ITGB3BP: variants seen among roughly 807,000 people sequenced by gnomAD.
ITGB3BP encodes the protein centromere protein R.
In ITGB3BP, 27 loss-of-function variants were observed where a neutral mutation model predicts 29.1. That is an observed-to-expected ratio of 0.93 (90% CI 0.68 to 1.28). The LOEUF (loss-of-function observed/expected upper bound fraction) is 1.28. ITGB3BP is among the 50% of genes most tolerant of loss of function. ITGB3BP has a pLI of 0.00. For missense variants in ITGB3BP, 192 were observed against 200.2 expected (o/e 0.96, Z 0.25); for synonymous variants, 61 against 61.4 (o/e 0.99, Z 0.03).
chr1:63,478,155 G>A (rs999651606), intron 4 of ITGB3BP, among the ~76,000 whole-genome samples: 3 of 152,178 alleles, frequency 2.0e-5, no homozygotes, highest in African/African-American at 7.2e-5. Context: ...TATATGTTCA[G>A]GACAGAGGCA....
intron 8 of ITGB3BP, among the ~76,000 whole-genome samples, chr1:63,441,339 G>A (rs1231257075): frequency 2.0e-5 from 3 of 152,140 alleles, no homozygotes; most frequent in African/African-American, 7.2e-5. Context: ...CCGTGTTCAA[G>A]TGATTCTCCT....
intron 1 of ITGB3BP, among the ~76,000 whole-genome samples, chr1:63,510,905 A>T (rs1646186368): frequency 6.6e-6 from 1 of 152,190 alleles, no homozygotes. Context: ...CTTTACTGTT[A>T]GTAGGAATAG....
chr1:63,490,733 G>A (rs1276627018), intron 2 of ITGB3BP, among the ~76,000 whole-genome samples: 1 of 152,124 alleles, frequency 6.6e-6, no homozygotes. Flanking sequence ...AGGCCTTTGA[G>A]GATTTGGCCT....
chr1:63,478,156 G>A (rs1645373128), intron 4 of ITGB3BP, among the ~76,000 whole-genome samples: 1 of 152,180 alleles, frequency 6.6e-6, no homozygotes, highest in African/African-American at 2.4e-5. Flanking sequence ...ATATGTTCAG[G>A]ACAGAGGCAA....
chr1:63,468,905 G>A (rs1176955319), intron 4 of ITGB3BP, among the ~76,000 whole-genome samples: 1 of 116,892 alleles, frequency 8.6e-6, no homozygotes, highest in Non-Finnish European at 1.9e-5. Context: ...AAATAAATAA[G>A]GTGGGCGTGG....
At chr1:63,442,946 T>A (rs1188816059) in intron 8 of ITGB3BP, 1 of 152,224 alleles carries the variant, frequency 6.6e-6, no homozygotes, top group African/African-American at 2.4e-5. Flanking sequence ...TCTCTTCCCA[T>A]CTTTTGATGG....
chr1:63,494,739 A>G (rs1012692236), intron 2 of ITGB3BP, among the ~76,000 whole-genome samples: 3 of 152,176 alleles, frequency 2.0e-5, no homozygotes, highest in Non-Finnish European at 4.4e-5. Context: ...TTTTTTCACA[A>G]TTTAAAGATA....
At chr1:63,493,417 AAAACAAACAAACAAACAAAC>A (rs60111018) in intron 2 of ITGB3BP, among the ~76,000 whole-genome samples, 5 of 145,474 alleles carry the variant, frequency 3.4e-5, no homozygotes, top group South Asian at 2.2e-4. Context: ...TCTGTCTCAA[AAAACAAACAAACAAACAAAC>A]AAACAAACAA....
chr1:63,452,617 T>C (rs1238270419), intron 7 of ITGB3BP, among the ~76,000 whole-genome samples: 1 of 127,562 alleles, frequency 7.8e-6, no homozygotes, highest in Non-Finnish European at 1.6e-5. Context: ...TTTTCTTTTT[T>C]CTTTTTCTTT....
At chr1:63,506,077 T>G (rs1228739669) in intron 2 of ITGB3BP, among the ~76,000 whole-genome samples, 1 of 152,180 alleles carries the variant, frequency 6.6e-6, no homozygotes, top group African/African-American at 2.4e-5. Flanking sequence ...CTTGTTAACT[T>G]TCTGTCTCGT....
At chr1:63,455,442 T>C (rs1386907871) in intron 4 of ITGB3BP, among the ~76,000 whole-genome samples, 1 of 151,524 alleles carries the variant, frequency 6.6e-6, no homozygotes, top group Admixed American at 6.6e-5. Context: ...GTTATCATAC[T>C]TTTTTTTTCC....
intron 7 of ITGB3BP, chr1:63,447,630 G>A: frequency 2.0e-6 from 1 of 491,732 alleles, no homozygotes; most frequent in Non-Finnish European, 4.1e-6. Flanking sequence ...AGGATGAGCA[G>A]GAGTTTGTAA....
chr1:63,451,751 T>TTTAGGC (rs56749633), intron 7 of ITGB3BP: 1,868 of 152,220 alleles, frequency 0.012, 43 homozygotes, highest in African/African-American at 0.043. Context: ...TAATCTATTT[T>TTTAGGC]TTAGGCAATA....
chr1:63,469,262 G>C (rs886977799), intron 4 of ITGB3BP, among the ~76,000 whole-genome samples: 1 of 151,962 alleles, frequency 6.6e-6, no homozygotes, highest in South Asian at 2.1e-4. Flanking sequence ...ACTATGCTTT[G>C]TAAATCCTTA....
rs1345815475 is a variant in ITGB3BP, at chr1:63,441,117, A to C, written c.*2-14T>G. The C allele has an allele frequency of 2.0e-5, 3 of 152,386 alleles. No homozygotes were observed. The highest frequency in any genetic ancestry group is 6.5e-5 in the Admixed American group (1 of 15,282). The allele number at this position is 152,386 out of a possible 1,614,324, so 9.4% of individuals were successfully genotyped here. On this transcript the variant is annotated splice_polypyrimidine_tract_variant and intron_variant, in intron 8 of 8. Coordinates refer to ENST00000271002, the MANE Select transcript of ITGB3BP (RefSeq NM_014288.5). ...TCTTCTTAATGCCTGTGAGATATAA[A>C]AGATAATTATATTATCAAGAATTAG...
At position 63,508,552 on chromosome 1, in the gene ITGB3BP, C is replaced by T. The variant is rs376496754; in HGVS notation, c.24G>A (p.Lys8=). The T allele has an allele frequency of 1.4e-6, 2 of 1,424,874 alleles. No homozygotes were observed. Among genetic ancestry groups the T allele is most frequent in the East Asian group, 2.5e-5 (1 of 40,314 alleles). 88.3% of individuals were successfully genotyped at this position (1,424,874 alleles called of 1,614,324 possible). A position where few individuals can be genotyped will look rare whatever the true frequency, so the allele number is the denominator to read the frequency against. Residue 8 remains lysine (K), a synonymous_variant, in exon 2 of 9, where the codon AAG becomes AAA. Coordinates refer to ENST00000271002, the MANE Select transcript of ITGB3BP (RefSeq NM_014288.5). ...CATTTTCTTCTAACAGACCATCCAA[C>T]TTCAGTGATCTTTTAACACTACAAA... The part of the protein sequence containing the change: MPVKRSL[K]LDGLLEENSF...
At chr1:63,451,344 T>C (rs1456096238) in intron 7 of ITGB3BP, among the ~76,000 whole-genome samples, 3 of 151,974 alleles carry the variant, frequency 2.0e-5, no homozygotes, top group African/African-American at 7.2e-5. Flanking sequence ...ATTTTTATTT[T>C]ACTTATTTTC....
chr1:63,503,020 G>A (rs1417454938), intron 2 of ITGB3BP, among the ~76,000 whole-genome samples: 1 of 152,138 alleles, frequency 6.6e-6, no homozygotes, highest in Non-Finnish European at 1.5e-5. Context: ...ATCCTTTGGG[G>A]TATATACCCA....
chr1:63,469,164 GGTT>G (rs145423159), intron 4 of ITGB3BP, among the ~76,000 whole-genome samples: 6,564 of 151,934 alleles, frequency 0.043, 185 homozygotes, highest in Middle Eastern at 0.079. Flanking sequence ...TACCTCACTG[GGTT>G]GTTAAGAGGA....
Sources: allele counts gnomAD v4.1 joint callset (sites outside exome capture counted in the v4.1 genomes callset), GRCh38; gene constraint gnomAD v4.1.1; transcripts MANE v1.5; gene names NCBI Gene and HGNC (gene_info 2026-07-23, HGNC 2026-07-21).